PPP6R2: variants seen among roughly 807,000 people sequenced by gnomAD.
The protein encoded by PPP6R2 is protein phosphatase 6 regulatory subunit 2.
In PPP6R2, 62 loss-of-function variants were observed where a neutral mutation model predicts 100.2. The observed-to-expected ratio is 0.62, with a 90% CI of 0.50 to 0.76. The LOEUF is 0.76. PPP6R2 is among the 30% of genes least tolerant of loss of function. The probability of loss-of-function intolerance (pLI) is 0.00; values close to 1 mark genes in which losing one functional copy is unlikely to be tolerated. For synonymous variants in PPP6R2, 525 were observed against 514.7 expected, an observed-to-expected ratio of 1.02 and a Z score of -0.27; for missense variants, 1,142 against 1,276.3, an observed-to-expected ratio of 0.89 and a Z score of 1.60.
chr22:50,367,964 A>G (rs1368509102), intron 1 of PPP6R2, among the ~76,000 whole-genome samples: 2 of 152,154 alleles, frequency 1.3e-5, no homozygotes, highest in Non-Finnish European at 2.9e-5. Flanking sequence ...CTCCAATGAT[A>G]GATAAGGTCA....
At chr22:50,394,412 T>C (rs1412462562) in intron 3 of PPP6R2, among the ~76,000 whole-genome samples, 1 of 148,772 alleles carries the variant, frequency 6.7e-6, no homozygotes, top group Non-Finnish European at 1.5e-5. Flanking sequence ...CTGGGCAACA[T>C]AGTGCGACCC....
chr22:50,406,720 T>G lies in PPP6R2; in HGVS notation c.259T>G (p.Cys87Gly), dbSNP rs759324175. The G allele has an allele frequency of 6.2e-7, 1 of 1,613,916 alleles. No homozygotes were observed. The highest frequency in any genetic ancestry group is 1.7e-5 in the Admixed American group (1 of 60,008). The change falls in exon 4 of 24, where the codon TGT becomes GGT. Residue 87 changes from cysteine to glycine, a missense_variant. Transcript: ENST00000612753. Reference protein sequence around the residue: ...YPNTACELLTCDVPQISDRLG... With the variant: ...YPNTACELLTGDVPQISDRLG... ...AAACACAGCCTGTGAGCTTCTGACT[T>G]GTGATGTGCCGCAGATCAGCGACCG...
intron 3 of PPP6R2, among the ~76,000 whole-genome samples, chr22:50,404,645 C>G (rs1241479514): frequency 5.4e-5 from 8 of 147,812 alleles, no homozygotes; most frequent in African/African-American, 2.0e-4. Context: ...CCATGTTGCC[C>G]AGGCTAGTCT....
At chr22:50,391,611 T>C (rs899874388) in intron 2 of PPP6R2, among the ~76,000 whole-genome samples, 1 of 151,602 alleles carries the variant, frequency 6.6e-6, no homozygotes, top group Non-Finnish European at 1.5e-5. Flanking sequence ...AAAAATAAAA[T>C]CCAGTCTGAC....
intron 3 of PPP6R2, among the ~76,000 whole-genome samples, chr22:50,396,494 CAAAAAAA>C (rs548563660): frequency 1.0e-5 from 1 of 97,172 alleles, no homozygotes; most frequent in Non-Finnish European, 2.1e-5. Context: ...GACTCCGTCT[CAAAAAAA>C]AAAAAAAAAA....
In PPP6R2 at chr22:50,439,964, C is replaced by T. The variant is rs377419188; in HGVS notation, c.2289C>T (p.Ser763=). 56 of 1,613,284 alleles carry T rather than the reference C, an allele frequency of 3.5e-5. No homozygotes were observed. Among genetic ancestry groups the T allele is most frequent in the African/African-American group, 2.3e-4 (17 of 74,954 alleles). ...CTGTCCTCGTCCTTGTATGCAGCTC[C>T]GAGTCAGGGCCCAGGTGCAGCTCTC... is the stretch of plus-strand genomic sequence containing the variant. ...KFTDFQPFCC[S]ESGPRCSSPV... Residue 763 remains serine, a synonymous_variant, in exon 21 of 24, where the codon TCC becomes TCT. Transcript: ENST00000612753.
chr22:50,432,219 C>G, intron 11 of PPP6R2, 46 bp from the exon 12 acceptor site: 1 of 1,512,500 alleles, frequency 6.6e-7, no homozygotes, highest in Non-Finnish European at 9.0e-7. Context: ...GGGTGCGTGC[C>G]GCCTTCAGAC....
chr22:50,409,287 G>C (rs1220758395), intron 4 of PPP6R2, among the ~76,000 whole-genome samples: 1 of 152,158 alleles, frequency 6.6e-6, no homozygotes, highest in East Asian at 1.9e-4. Context: ...ACAAATGAGA[G>C]AAAATATTTC....
intron 1 of PPP6R2, among the ~76,000 whole-genome samples, chr22:50,349,830 C>T (rs73439338): frequency 1.1e-5 from 1 of 93,130 alleles, no homozygotes; most frequent in Non-Finnish European, 1.9e-5. Flanking sequence ...AAAAAAAAAA[C>T]AGAAAAAAGC....
intron 22 of PPP6R2, among the ~76,000 whole-genome samples, chr22:50,441,249 C>T (rs1333710211): frequency 5.3e-5 from 8 of 152,180 alleles, no homozygotes; most frequent in East Asian, 3.9e-4. Context: ...GGCCTTCTTT[C>T]GTGGACAGAA....
chr22:50,375,632 G>GA (rs939963385), intron 2 of PPP6R2, among the ~76,000 whole-genome samples: 1 of 151,860 alleles, frequency 6.6e-6, no homozygotes, highest in East Asian at 1.9e-4. Context: ...GATGAAAAGG[G>GA]AAAAAAACCT....
intron 8 of PPP6R2, among the ~76,000 whole-genome samples, chr22:50,419,764 C>T (rs764841625): frequency 6.6e-6 from 1 of 152,098 alleles, no homozygotes; most frequent in Non-Finnish European, 1.5e-5. Flanking sequence ...AGGACTGTTC[C>T]GACAAGTCCC....
chr22:50,363,559 CTCT>C (rs1021759433), intron 1 of PPP6R2, among the ~76,000 whole-genome samples: 2 of 152,178 alleles, frequency 1.3e-5, no homozygotes, highest in Admixed American at 6.6e-5. Flanking sequence ...TGTTTCTTGG[CTCT>C]TCTTCTTGAG....
intron 19 of PPP6R2, among the ~76,000 whole-genome samples, chr22:50,439,447 G>C (rs2065109313): frequency 6.6e-6 from 1 of 152,140 alleles, no homozygotes; most frequent in South Asian, 2.1e-4. Flanking sequence ...TCCTGCTGGA[G>C]GCCTGGGGGC....
At position 50,440,974 on chromosome 22, in the gene PPP6R2, C is replaced by T. The variant is rs1427676892; in HGVS notation, c.2527C>T (p.Arg843Trp). The T allele has an allele frequency of 3.7e-6, 6 of 1,611,268 alleles. No individual in the cohort carries two copies. Among genetic ancestry groups the T allele is most frequent in the African/African-American group, 2.7e-5 (2 of 74,894 alleles). ...GGATGCGGTGAGCAGGGGTCCCGGCCGGGAGGCCCCCCCGCTGCCCACAGT... is the reference window on the plus strand; with the variant it reads ...GGATGCGGTGAGCAGGGGTCCCGGCTGGGAGGCCCCCCCGCTGCCCACAGT... ...AMDAVSRGPGREAPPLPTVAR... is the reference protein window; with the variant it reads ...AMDAVSRGPGWEAPPLPTVAR... Residue 843 changes from arginine (R) to tryptophan (W), a missense_variant, in exon 22 of 24, where the codon CGG becomes TGG. Physicochemically the swap from Arg to Trp is moderately radical, Grantham distance 101. This residue lies in a region of PPP6R2 where 550 missense variants were observed against 517.4 expected (regional missense o/e 1.06). Transcript: ENST00000612753.
chr22:50,378,932 G>A (rs1647072027), intron 2 of PPP6R2, among the ~76,000 whole-genome samples: 1 of 151,934 alleles, frequency 6.6e-6, no homozygotes, highest in South Asian at 2.1e-4. Flanking sequence ...AGGCCGTGAG[G>A]GCTCCACTCT....
At chr22:50,338,839 TGTGTG>T (rs2042334272), upstream of PPP6R2, among the ~76,000 whole-genome samples, 1 of 143,966 alleles carries the variant, frequency 6.9e-6, no homozygotes. Context: ...GTGTGGTGTG[TGTGTG>T]GTGTGTGGTG....
In PPP6R2 at chr22:50,423,620, T is replaced by G. The variant is rs1448138513; in HGVS notation, c.1125+6T>G. 6.2e-7 allele frequency: 1 copy of G among 1,613,978 alleles called. No homozygotes were observed. The highest frequency in any genetic ancestry group is 1.7e-5 in the Admixed American group (1 of 60,018). ...ACACGATGGACTTACTGCTGGTAAG[T>G]GGGCCCCTCAGCCAGCCCTGCATGT... On this transcript the variant is annotated splice_donor_region_variant and intron_variant, in intron 10 of 23. Coordinates refer to ENST00000612753, the MANE Select transcript of PPP6R2 (RefSeq NM_001242898.2). This position sits in a 1 kb window ranked among gnomAD's most constrained non-coding sequence, Gnocchi z 4.8.
At chr22:50,376,297 G>A (rs1300719675) in intron 2 of PPP6R2, among the ~76,000 whole-genome samples, 3 of 152,006 alleles carry the variant, frequency 2.0e-5, no homozygotes, top group East Asian at 1.9e-4. Flanking sequence ...TCCAGCCTGG[G>A]TGACAAAGTG....
Sources: gnomAD v4.1 joint callset for allele counts (sites outside exome capture counted in the v4.1 genomes callset) on GRCh38, gnomAD v4.1.1 for gene constraint, gnomAD v4.1.1 regional missense constraint, Gnocchi (gnomAD v3.1) non-coding constraint, MANE v1.5 for transcripts, NCBI Gene and HGNC (gene_info 2026-07-23, HGNC 2026-07-21) for gene names.